The following ERO1B variants were observed in gnomAD, a reference collection of about 807,000 sequenced individuals.
ERO1B encodes the protein ERO1-like protein beta.
In ERO1B, 49 loss-of-function variants were observed where a neutral mutation model predicts 75.3. The ratio of observed to expected loss-of-function variants is 0.65; its 90% CI spans 0.52 to 0.83. The LOEUF is 0.83. Among genes scored for constraint, ERO1B ranks in the 40% least tolerant of loss-of-function variants. The pLI, the probability that ERO1B is intolerant of heterozygous loss-of-function variation, is 0.00. For synonymous variants in ERO1B, 191 were observed against 192.9 expected, an observed-to-expected ratio of 0.99 and a Z score of 0.08; for missense variants, 512 against 560.1, an observed-to-expected ratio of 0.91 and a Z score of 0.87.
chr1:236,237,898 T>C (rs1370524784), intron 6 of ERO1B, among the ~76,000 whole-genome samples: 2 of 152,092 alleles, frequency 1.3e-5, no homozygotes, highest in Non-Finnish European at 2.9e-5. Flanking sequence ...TGGAGTGCAG[T>C]GTGAGATCTC....
chr1:236,258,162 A>AAAAAAAAAAAAAAAAAAAAAAAAAAC (rs1553373457), intron 2 of ERO1B, among the ~76,000 whole-genome samples: 1 of 136,298 alleles, frequency 7.3e-6, no homozygotes, highest in African/African-American at 2.7e-5. Flanking sequence ...AAAAAAAAAA[A>AAAAAAAAAAAAAAAAAAAAAAAAAAC]ACCCAGCCAG....
At chr1:236,241,920 T>C (rs1455328186) in intron 6 of ERO1B, among the ~76,000 whole-genome samples, 1 of 151,792 alleles carries the variant, frequency 6.6e-6, no homozygotes, top group Admixed American at 6.6e-5. Flanking sequence ...TACAAAAAAT[T>C]AGCTGGGCGT....
chr1:236,245,332 ATATATATACG>A (rs1558513122), intron 5 of ERO1B, among the ~76,000 whole-genome samples: 3 of 33,042 alleles, frequency 9.1e-5, no homozygotes, highest in African/African-American at 1.7e-4. Context: ...ACACACACGT[ATATATATACG>A]TATATATATA....
At chr1:236,269,386 A>C (rs1005930420) in intron 2 of ERO1B, among the ~76,000 whole-genome samples, 1 of 152,182 alleles carries the variant, frequency 6.6e-6, no homozygotes, top group Non-Finnish European at 1.5e-5. Flanking sequence ...TCTAGAGTAG[A>C]CTATTACTAG....
At chr1:236,268,687 C>T (rs918537561) in intron 2 of ERO1B, among the ~76,000 whole-genome samples, 24 of 150,748 alleles carry the variant, frequency 1.6e-4, no homozygotes, top group Admixed American at 7.3e-4. Flanking sequence ...GAGATCAAGA[C>T]CATCCTGGCT....
At chr1:236,225,028 C>A in intron 13 of ERO1B, 42 bp downstream of exon 13, 1 of 1,577,842 alleles carries the variant, frequency 6.3e-7, no homozygotes, top group Non-Finnish European at 8.7e-7. Context: ...GCATAACCAG[C>A]AAACTGCTCC....
intron 2 of ERO1B, among the ~76,000 whole-genome samples, chr1:236,266,933 A>T (rs1572065688): frequency 6.6e-6 from 1 of 152,246 alleles, no homozygotes; most frequent in East Asian, 1.9e-4. Context: ...AAGAGGAAGA[A>T]TCAGATTGTT....
At chr1:236,253,946 T>G (rs1243101470) in intron 2 of ERO1B, among the ~76,000 whole-genome samples, 1 of 152,202 alleles carries the variant, frequency 6.6e-6, no homozygotes, top group Non-Finnish European at 1.5e-5. Context: ...TAGTCAGTGC[T>G]ACAAAGAAAA....
chr1:236,250,615 A>ATGTG lies in ERO1B; in HGVS notation c.349-649_349-648insCACA, dbSNP rs1331027047. On this transcript the variant is annotated intron_variant, in intron 4 of 15. Coordinates refer to ENST00000354619, the MANE Select transcript of ERO1B (RefSeq NM_019891.4). ...TATATATATATATATATATATATAT[A>ATGTG]TATCAAACGTGTGTGTGCAAACATA... is the stretch of plus-strand genomic sequence containing the variant. 4.3e-5 allele frequency among the ~76,000 whole-genome samples: 3 copies of ATGTG among 69,440 alleles called. 1 individual carries two copies. The highest frequency in any genetic ancestry group is 5.7e-5 in the Non-Finnish European group (2 of 34,918). 45.6% of individuals were successfully genotyped at this position (69,440 alleles called of 152,430 possible). A position where few individuals can be genotyped will look rare whatever the true frequency, so the allele number is the denominator to read the frequency against.
In ERO1B at chr1:236,226,425, C is replaced by CT; in HGVS notation, c.895dup (p.Arg299LysfsTer12). On this transcript the variant is annotated frameshift_variant, in exon 12 of 16. Transcript: ENST00000354619. LOFTEE classifies it high-confidence loss of function. ...GTATAAAAAGTAAAGATTCTTGAGC[C>CT]TTCTTGGACCTTCTCCCTTGGTTTC... 6.2e-7 allele frequency: 1 copy of CT among 1,614,118 alleles called. No individual in the cohort carries two copies. Among genetic ancestry groups the CT allele is most frequent in the Non-Finnish European group, 8.5e-7 (1 of 1,180,010 alleles).
chr1:236,261,941 T>TCAAAAAAAACAAAAA (rs71297722), intron 2 of ERO1B, among the ~76,000 whole-genome samples: 36,348 of 151,520 alleles, frequency 0.24, 4,588 homozygotes, highest in East Asian at 0.38. Flanking sequence ...AGGCTCTGTC[T>TCAAAAAAAACAAAAA]CAAAAACAAA....
chr1:236,258,160 A>AAAAAAAC (rs1665207949), intron 2 of ERO1B, among the ~76,000 whole-genome samples: 1 of 144,432 alleles, frequency 6.9e-6, no homozygotes, highest in Non-Finnish European at 1.5e-5. Flanking sequence ...AAAAAAAAAA[A>AAAAAAAC]AAACCCAGCC....
At chr1:236,265,118 G>A (rs927952795) in intron 2 of ERO1B, among the ~76,000 whole-genome samples, 1 of 150,552 alleles carries the variant, frequency 6.6e-6, no homozygotes, top group Non-Finnish European at 1.5e-5. Flanking sequence ...GTGCTGGGTA[G>A]TATATCCAAC....
intron 5 of ERO1B, among the ~76,000 whole-genome samples, chr1:236,245,381 C>T (rs1448494557): frequency 3.4e-5 from 2 of 59,548 alleles, no homozygotes; most frequent in African/African-American, 1.1e-4. Context: ...TATATATATA[C>T]ACACGTATAT....
chr1:236,247,764 G>A (rs1192571926), intron 5 of ERO1B, among the ~76,000 whole-genome samples: 2 of 152,116 alleles, frequency 1.3e-5, no homozygotes, highest in Non-Finnish European at 2.9e-5. Flanking sequence ...CTTGATGACT[G>A]TGCTGCAGTT....
chr1:236,229,374 G>A (rs1329529027), intron 10 of ERO1B, among the ~76,000 whole-genome samples: 1 of 151,320 alleles, frequency 6.6e-6, no homozygotes, highest in Non-Finnish European at 1.5e-5. Context: ...GCAGTGAGCC[G>A]AGATGGCGCC....
At chr1:236,263,728 T>A (rs1456149024) in intron 2 of ERO1B, among the ~76,000 whole-genome samples, 1 of 151,510 alleles carries the variant, frequency 6.6e-6, no homozygotes, top group Non-Finnish European at 1.5e-5. Context: ...CTTATTCCTA[T>A]ATATCTTATC....
chr1:236,225,958 G>A (rs1664267541), intron 12 of ERO1B, among the ~76,000 whole-genome samples: 1 of 152,082 alleles, frequency 6.6e-6, no homozygotes, highest in African/African-American at 2.4e-5. Context: ...TAAATAAAGT[G>A]ACTAGAAGAA....
intron 13 of ERO1B, among the ~76,000 whole-genome samples, chr1:236,224,051 T>G (rs1232914838): frequency 6.6e-6 from 1 of 152,154 alleles, no homozygotes; most frequent in Non-Finnish European, 1.5e-5. Context: ...ATACAGTACA[T>G]GTACTGTATA....
Sources: gnomAD v4.1 joint callset for allele counts (sites outside exome capture counted in the v4.1 genomes callset) on GRCh38, gnomAD v4.1.1 for gene constraint, MANE v1.5 for transcripts, NCBI Gene and HGNC (gene_info 2026-07-23, HGNC 2026-07-21) for gene names.